IQGAP2: variants seen among roughly 807,000 people sequenced by gnomAD.
The protein encoded by IQGAP2 is IQ motif containing GTPase activating protein 2, also known as ras GTPase-activating-like protein IQGAP2.
In IQGAP2, 173 loss-of-function variants were observed where a neutral mutation model predicts 201.3. That is an observed-to-expected ratio of 0.86 (90% confidence interval 0.76 to 0.98). The LOEUF is 0.98. Among genes scored for constraint, IQGAP2 ranks in the 50% least tolerant of loss-of-function variants. IQGAP2 has a pLI of 0.00. For synonymous variants in IQGAP2, 675 were observed against 673.9 expected, an observed-to-expected ratio of 1.00 and a Z score of -0.03; for missense variants, 1,687 against 1,864.8, an observed-to-expected ratio of 0.90 and a Z score of 1.76.
intron 2 of IQGAP2, among the ~76,000 whole-genome samples, chr5:76,487,057 C>T (rs1230671185): frequency 1.3e-5 from 2 of 151,502 alleles, no homozygotes; most frequent in African/African-American, 4.8e-5. Context: ...GACATTTTTA[C>T]ACACTTTGAT....
At chr5:76,546,412 G>A (rs1743098265) in intron 2 of IQGAP2, among the ~76,000 whole-genome samples, 1 of 152,094 alleles carries the variant, frequency 6.6e-6, no homozygotes, top group African/African-American at 2.4e-5. Flanking sequence ...TCCAGCCTGA[G>A]GGACAGAGTG....
intron 35 of IQGAP2, among the ~76,000 whole-genome samples, chr5:76,705,656 T>C (rs1747825664): frequency 6.6e-6 from 1 of 152,346 alleles, no homozygotes; most frequent in East Asian, 1.9e-4. Context: ...CAATTCCCTA[T>C]AGAATTTTAG....
chr5:76,509,984 C>CT (rs11331690), intron 2 of IQGAP2, among the ~76,000 whole-genome samples: 30,092 of 137,812 alleles, frequency 0.22, 3,768 homozygotes, highest in African/African-American at 0.39. Flanking sequence ...AATTTTCTTT[C>CT]TTTTTTTTTT....
intron 2 of IQGAP2, among the ~76,000 whole-genome samples, chr5:76,496,790 T>TTTCTTTCA (rs1757010872): frequency 7.2e-6 from 1 of 139,384 alleles, no homozygotes. Flanking sequence ...TCTTTCTTTC[T>TTTCTTTCA]TTCTCTTTCT....
In IQGAP2 at chr5:76,553,047, G is replaced by A. The variant is rs183172511; in HGVS notation, c.147-9349G>A. The stretch of plus-strand genomic sequence containing the variant: ...TTGTATGAGAGAAAGATAGGGGCCC[G>A]TAGATGCCCACTTTAGTTTTGCAGG... On this transcript the variant is annotated intron_variant, in intron 2 of 35. Coordinates refer to ENST00000274364, the MANE Select transcript of IQGAP2 (RefSeq NM_006633.5). Among the ~76,000 whole-genome samples the A allele has an allele frequency of 4.4e-4, 67 of 152,318 alleles. No individual in the cohort carries two copies. The East Asian group carries it at 0.011, about 25-fold the overall frequency.
intron 28 of IQGAP2, among the ~76,000 whole-genome samples, chr5:76,682,540 C>T (rs1745394866): frequency 6.6e-6 from 1 of 151,824 alleles, no homozygotes; most frequent in East Asian, 1.9e-4. Flanking sequence ...AATACTGTTT[C>T]CTGTAAGACC....
At chr5:76,439,114 TA>T (rs1160926479) in intron 1 of IQGAP2, among the ~76,000 whole-genome samples, 14 of 152,218 alleles carry the variant, frequency 9.2e-5, no homozygotes, top group African/African-American at 3.1e-4. Flanking sequence ...ATTGTTAACC[TA>T]AAAATCATTC....
rs560376647 is a variant in IQGAP2, at chr5:76,550,974, C to T, written c.147-11422C>T. 9.3e-4 allele frequency among the ~76,000 whole-genome samples: 140 copies of T among 149,964 alleles called. 2 individuals are homozygous for T. The highest frequency in any genetic ancestry group is 3.2e-3 in the African/African-American group (131 of 40,704). On this transcript the variant is annotated intron_variant, in intron 2 of 35. Transcript: ENST00000274364. Reference sequence around the variant, plus strand: ...CTCCCTCCCGGATGGGGCGACTGGCCGGGCGGGGGCTGCCCCCCACCTCCC... The same window carrying T: ...CTCCCTCCCGGATGGGGCGACTGGCTGGGCGGGGGCTGCCCCCCACCTCCC...
chr5:76,683,297 A>C, intron 29 of IQGAP2, 80 bp downstream of exon 29: 1 of 846,560 alleles, frequency 1.2e-6, no homozygotes, highest in Non-Finnish European at 1.9e-6. Flanking sequence ...TGGTTTTCCT[A>C]TCCTAGATAA....
At chr5:76,573,082 T>G (rs528498456) in intron 4 of IQGAP2, among the ~76,000 whole-genome samples, 2 of 152,332 alleles carry the variant, frequency 1.3e-5, no homozygotes, top group Non-Finnish European at 1.5e-5. Context: ...ATTTCTGGAT[T>G]GTGATTTAGC....
chr5:76,433,375 G>A (rs1173132054), intron 1 of IQGAP2, among the ~76,000 whole-genome samples: 1 of 152,170 alleles, frequency 6.6e-6, no homozygotes, highest in Non-Finnish European at 1.5e-5. Flanking sequence ...GTGGTGCTAT[G>A]TTCCTCTGCT....
chr5:76,559,405 A>G (rs10080190), intron 2 of IQGAP2, among the ~76,000 whole-genome samples: 87,374 of 152,048 alleles, frequency 0.57, 26,483 homozygotes, highest in African/African-American at 0.76. Flanking sequence ...CTGTCAGCAC[A>G]TTACTCCTCT....
chr5:76,545,419 A>ATCTCTG (rs1409950253), intron 2 of IQGAP2, among the ~76,000 whole-genome samples: 1 of 152,180 alleles, frequency 6.6e-6, no homozygotes, highest in East Asian at 1.9e-4. Context: ...GGTACACAGT[A>ATCTCTG]TCTCTGGGCA....
At chr5:76,434,987 AT>A (rs1463353643) in intron 1 of IQGAP2, among the ~76,000 whole-genome samples, 2 of 148,494 alleles carry the variant, frequency 1.3e-5, no homozygotes, top group African/African-American at 5.0e-5. Flanking sequence ...TTTGTTGGCC[AT>A]TTTTATATTT....
chr5:76,499,552 C>T (rs1351784402), intron 2 of IQGAP2, among the ~76,000 whole-genome samples: 1 of 152,114 alleles, frequency 6.6e-6, no homozygotes, highest in African/African-American at 2.4e-5. Context: ...GATTTTAATA[C>T]CTTAGCATGT....
intron 16 of IQGAP2, among the ~76,000 whole-genome samples, chr5:76,637,392 G>A (rs907066531): frequency 6.6e-6 from 1 of 152,126 alleles, no homozygotes; most frequent in Non-Finnish European, 1.5e-5. Context: ...AAATAGAGCA[G>A]GGGGAAGAAA....
chr5:76,580,527 A>T (rs1473211695), intron 5 of IQGAP2, among the ~76,000 whole-genome samples: 2 of 152,276 alleles, frequency 1.3e-5, no homozygotes, highest in African/African-American at 4.8e-5. Flanking sequence ...CCAACTTGTT[A>T]AAGTCAATAT....
chr5:76,694,170 T>C lies in IQGAP2; in HGVS notation c.3993+728T>C, dbSNP rs145256259. On this transcript the variant is annotated intron_variant, in intron 31 of 35. Coordinates refer to ENST00000274364, the MANE Select transcript of IQGAP2 (RefSeq NM_006633.5). ...ATAAAAGGCTGGGCATGGTGGCTCA[T>C]GTCTGTAATCCCAATACTTTGGAAG... is the stretch of plus-strand genomic sequence containing the variant. Among the ~76,000 whole-genome samples, 511 of 152,308 alleles carry C rather than the reference T, an allele frequency of 3.4e-3. 1 individual carries two copies. The highest frequency in any genetic ancestry group is 5.7e-3 in the Non-Finnish European group (390 of 68,024).
intron 31 of IQGAP2, chr5:76,693,736 A>G: frequency 4.1e-6 from 1 of 241,916 alleles, no homozygotes; most frequent in Non-Finnish European, 8.0e-6. Flanking sequence ...TAATGGGCAA[A>G]TAAGTCAGTT....
Sources: allele counts gnomAD v4.1 joint callset (sites outside exome capture counted in the v4.1 genomes callset), GRCh38; gene constraint gnomAD v4.1.1; transcripts MANE v1.5; gene names NCBI Gene and HGNC (gene_info 2026-07-23, HGNC 2026-07-21).